GABBR2: variants seen among roughly 807,000 people sequenced by gnomAD.
GABBR2 encodes the protein gamma-aminobutyric acid type B receptor subunit 2, also known as G-protein coupled receptor 51.
A neutral mutation model predicts 105.6 loss-of-function variants in GABBR2; 23 were observed. The observed-to-expected ratio is 0.22, with a 90% CI of 0.16 to 0.31. The LOEUF (loss-of-function observed/expected upper bound fraction) is 0.31. GABBR2 is among the 10% of genes least tolerant of loss of function. GABBR2 has a pLI of 1.00. For synonymous variants in GABBR2, 478 were observed against 499.7 expected (o/e 0.96, Z 0.58); for missense variants, 734 against 1,245.5 (o/e 0.59, Z 6.18).
intron 1 of GABBR2, among the ~76,000 whole-genome samples, chr9:98,659,420 G>C (rs954900875): frequency 2.0e-5 from 3 of 151,606 alleles, no homozygotes; most frequent in Admixed American, 2.0e-4. Context: ...TTTCTGTAAA[G>C]GTCCAGATAG....
chr9:98,499,714 T>C (rs1466652556), intron 3 of GABBR2, among the ~76,000 whole-genome samples: 2 of 152,242 alleles, frequency 1.3e-5, no homozygotes, highest in Non-Finnish European at 2.9e-5. Context: ...AGAAAATTTA[T>C]AAATGCCTAG....
intron 5 of GABBR2, among the ~76,000 whole-genome samples, chr9:98,474,554 C>A (rs1826749621): frequency 6.6e-6 from 1 of 152,188 alleles, no homozygotes; most frequent in African/African-American, 2.4e-5. Context: ...TGCCCGCATT[C>A]TAAACTGAAA....
chr9:98,651,141 T>A (rs1830098353), intron 1 of GABBR2, among the ~76,000 whole-genome samples: 1 of 17,026 alleles, frequency 5.9e-5, no homozygotes, highest in South Asian at 2.3e-3. Context: ...ACACACTGGT[T>A]TTTTTTTTTT....
At chr9:98,562,906 C>CA (rs1316126433) in intron 2 of GABBR2, among the ~76,000 whole-genome samples, 17 of 151,242 alleles carry the variant, frequency 1.1e-4, no homozygotes, top group Non-Finnish European at 2.4e-4. Flanking sequence ...TCCATCTCTA[C>CA]AAAAAATACA....
intron 7 of GABBR2, among the ~76,000 whole-genome samples, chr9:98,447,147 C>T (rs1826146671): frequency 1.8e-5 from 2 of 112,478 alleles, no homozygotes; most frequent in Non-Finnish European, 3.9e-5. Context: ...CTGCAAGCTC[C>T]GCCTCCCGGG....
chr9:98,465,927 C>T (rs1588175985), intron 6 of GABBR2, among the ~76,000 whole-genome samples: 1 of 152,292 alleles, frequency 6.6e-6, no homozygotes, highest in African/African-American at 2.4e-5. Flanking sequence ...GAGCGGCCTG[C>T]TGGGAGGTGA....
At position 98,349,990 on chromosome 9, in the gene GABBR2, T is replaced by C. The variant is rs564851257; in HGVS notation, c.1893+12725A>G. 3.3e-5 allele frequency among the ~76,000 whole-genome samples: 5 copies of C among 151,550 alleles called. No homozygotes were observed. The South Asian group carries it at 8.3e-4, about 25-fold the overall frequency. ...ATTCAATCTTGGTAGGTTACATGTG[T>C]CCAGAAATTTACCCATTTCCTTTAG... On this transcript the variant is annotated intron_variant, in intron 13 of 18. Coordinates refer to ENST00000259455, the MANE Select transcript of GABBR2 (RefSeq NM_005458.8).
At chr9:98,535,517 A>G (rs934672683) in intron 3 of GABBR2, among the ~76,000 whole-genome samples, 1 of 152,228 alleles carries the variant, frequency 6.6e-6, no homozygotes, top group Non-Finnish European at 1.5e-5. Flanking sequence ...TTTACACTGT[A>G]TTAGGTATTA....
At chr9:98,458,366 T>G (rs1359923378) in intron 6 of GABBR2, among the ~76,000 whole-genome samples, 1 of 152,192 alleles carries the variant, frequency 6.6e-6, no homozygotes, top group African/African-American at 2.4e-5. Context: ...GTTTGCTGGT[T>G]CCCGTGCTGC....
intron 7 of GABBR2, among the ~76,000 whole-genome samples, chr9:98,409,251 T>C (rs1832543303): frequency 6.6e-6 from 1 of 151,946 alleles, no homozygotes; most frequent in Admixed American, 6.6e-5. Flanking sequence ...TGAACAGCGA[T>C]GAGGGTGGGG....
At chr9:98,318,919 G>GTGT (rs1564014956) in intron 13 of GABBR2, among the ~76,000 whole-genome samples, 6 of 129,172 alleles carry the variant, frequency 4.6e-5, no homozygotes, top group Admixed American at 1.6e-4. Context: ...GTGTGTTGGG[G>GTGT]GTGTGTGTGT....
intron 13 of GABBR2, among the ~76,000 whole-genome samples, chr9:98,341,798 C>T (rs961940777): frequency 6.6e-6 from 1 of 152,044 alleles, no homozygotes; most frequent in African/African-American, 2.4e-5. Flanking sequence ...AGCCTCAGCC[C>T]CAGAAGTGGG....
At chr9:98,637,737 C>T (rs966875464) in intron 1 of GABBR2, among the ~76,000 whole-genome samples, 1 of 152,152 alleles carries the variant, frequency 6.6e-6, no homozygotes. Context: ...AGATTGTCCC[C>T]TAAAGCCTCC....
intron 13 of GABBR2, among the ~76,000 whole-genome samples, chr9:98,353,378 AT>A (rs911330984): frequency 2.0e-5 from 3 of 152,192 alleles, no homozygotes; most frequent in African/African-American, 7.2e-5. Context: ...CCTGAAAGTC[AT>A]CCATAAAAGT....
chr9:98,641,000 C>G (rs112576333), intron 1 of GABBR2, among the ~76,000 whole-genome samples: 1 of 152,146 alleles, frequency 6.6e-6, no homozygotes, highest in Non-Finnish European at 1.5e-5. Flanking sequence ...CCTTAGCACA[C>G]GTAAGAAAAG....
At chr9:98,309,712 T>C (rs1274223352) in intron 14 of GABBR2, among the ~76,000 whole-genome samples, 2 of 152,196 alleles carry the variant, frequency 1.3e-5, no homozygotes, top group Non-Finnish European at 2.9e-5. Flanking sequence ...CCTATTTCTA[T>C]ATTGGGTACC....
chr9:98,696,449 G>T (rs180770003), intron 1 of GABBR2, among the ~76,000 whole-genome samples: 74 of 152,320 alleles, frequency 4.9e-4, no homozygotes, highest in Non-Finnish European at 7.4e-4. Flanking sequence ...GTATCAAGCT[G>T]GGAGGCCGCT....
At chr9:98,478,258 T>A (rs1826835241) in intron 5 of GABBR2, among the ~76,000 whole-genome samples, 1 of 152,160 alleles carries the variant, frequency 6.6e-6, no homozygotes, top group Admixed American at 6.5e-5. Flanking sequence ...CTGCTCTGAC[T>A]CCAATAGAGA....
chr9:98,414,390 A>T (rs985456466), intron 7 of GABBR2, among the ~76,000 whole-genome samples: 3 of 152,218 alleles, frequency 2.0e-5, no homozygotes, highest in African/African-American at 7.2e-5. Context: ...AACAGTGCCG[A>T]TAAAGCTGTA....
Sources: gnomAD v4.1 joint callset for allele counts (sites outside exome capture counted in the v4.1 genomes callset) on GRCh38, gnomAD v4.1.1 for gene constraint, MANE v1.5 for transcripts, NCBI Gene and HGNC (gene_info 2026-07-23, HGNC 2026-07-21) for gene names.